The following MSH6 variants were observed in gnomAD, a reference collection of about 807,000 sequenced individuals.
MSH6 encodes DNA mismatch repair protein Msh6.
Under a neutral mutation model 119.1 loss-of-function variants are expected in MSH6, and 85 were observed. The observed-to-expected ratio is 0.71, with a 90% CI of 0.60 to 0.85. MSH6 has a LOEUF of 0.85. MSH6 is among the 40% of genes least tolerant of loss of function. The pLI, the probability that MSH6 is intolerant of heterozygous loss-of-function variation, is 0.00. For missense variants in MSH6, 2,163 were observed against 1,655.3 expected (o/e 1.31, Z -5.32); for synonymous variants, 830 against 586.9 (o/e 1.41, Z -5.99).
Position 47,783,202 on chromosome 2 carries a change from G to T in MSH6, c.-32G>T, listed in dbSNP as rs2103928799. ...TGCGGTGCTTTTAGGAGCTCCGTCCGACAGAACGGTTGGGCCTTGCCGGCT... is the reference window on the plus strand; with the variant it reads ...TGCGGTGCTTTTAGGAGCTCCGTCCTACAGAACGGTTGGGCCTTGCCGGCT... On this transcript the variant is annotated 5_prime_UTR_variant, in exon 1 of 10. Coordinates refer to ENST00000234420, the MANE Select transcript of MSH6 (RefSeq NM_000179.3). The T allele has an allele frequency of 2.5e-6, 4 of 1,609,848 alleles. No individual in the cohort carries two copies. The highest frequency in any genetic ancestry group is 1.1e-5 in the South Asian group (1 of 90,590).
chr2:47,789,426 G>T, intron 1 of MSH6: 1 of 467,708 alleles, frequency 2.1e-6, no homozygotes, highest in Admixed American at 2.5e-5. Flanking sequence ...TTCCTAGTGA[G>T]GATGCACATT....
At chr2:47,790,029 C>A (rs1447627536) in intron 1 of MSH6, among the ~76,000 whole-genome samples, 1 of 151,994 alleles carries the variant, frequency 6.6e-6, no homozygotes, top group Admixed American at 6.6e-5. Context: ...AATTTTTAAT[C>A]TAGGTTGGTT....
At position 47,803,601 on chromosome 2, in the gene MSH6, G is replaced by A. The variant is rs35642130; in HGVS notation, c.3354G>A (p.Glu1118=). Residue 1118 remains glutamate, a synonymous_variant, in exon 5 of 10, where the codon GAG becomes GAA. Transcript: ENST00000234420. ...FIPNDILIGC[E]EEEQENGKAY... ...CTAATGACATTCTAATAGGCTGTGAGGAAGAGGAGCAGGAAAATGGCAAAG... is the reference window on the plus strand; with the variant it reads ...CTAATGACATTCTAATAGGCTGTGAAGAAGAGGAGCAGGAAAATGGCAAAG... 376 of 1,614,190 alleles carry A rather than the reference G, an allele frequency of 2.3e-4. 6 individuals carry two copies. The South Asian group carries it at 3.9e-3, about 17-fold the overall frequency.
At chr2:47,806,083 A>C in intron 7 of MSH6, 121 bp from the exon 8 acceptor site, 1 of 950,084 alleles carries the variant, frequency 1.1e-6, no homozygotes, top group Non-Finnish European at 1.7e-6. Context: ...CTATTTATAG[A>C]ATGCTTTTAG....
chr2:47,807,664 T>A (rs1252432211), downstream of MSH6: 2 of 160,550 alleles, frequency 1.2e-5, no homozygotes, highest in African/African-American at 7.5e-5. Flanking sequence ...TCTGAATACA[T>A]GTTAAAAAAA....
rs779617676 is a variant in MSH6 at position 47,803,474 on chromosome 2, G to A, written c.3227G>A (p.Arg1076His). 7 of 1,613,980 alleles carry A rather than the reference G, an allele frequency of 4.3e-6. No homozygotes were observed. Among genetic ancestry groups the A allele is most frequent in the African/African-American group, 1.3e-5 (1 of 74,970 alleles). ...CGAGGGGGTGATGGTCCTATGTGTC[G>A]CCCAGTAATTCTGTTGCCGGAAGAT... ...YSRGGDGPMC[R>H]PVILLPEDTP... Residue 1076 changes from arginine to histidine, a missense_variant, in exon 5 of 10, where the codon CGC becomes CAC. Transcript: ENST00000234420.
downstream of MSH6, chr2:47,809,078 G>C (rs553954928): frequency 4.6e-6 from 4 of 862,632 alleles, no homozygotes; most frequent in African/African-American, 6.9e-5. Flanking sequence ...CCGGCAAATA[G>C]CCAAAAATGC....
chr2:47,797,609 CATAA>C (rs1430305234), intron 3 of MSH6, among the ~76,000 whole-genome samples: 6 of 152,172 alleles, frequency 3.9e-5, no homozygotes, highest in Non-Finnish European at 4.4e-5. Context: ...ACAGCTTTGT[CATAA>C]ATAGAACTCC....
chr2:47,807,307 C>CTT, downstream of MSH6: 2 of 215,676 alleles, frequency 9.3e-6, no homozygotes, highest in Non-Finnish European at 1.9e-5. Flanking sequence ...AGTTTTTTAC[C>CTT]TTTCACAAAA....
In MSH6 at chr2:47,801,100, CTT is replaced by C. The variant is rs267608042; in HGVS notation, c.3119_3120del (p.Phe1040Ter). The C allele has an allele frequency of 1.2e-6, 2 of 1,612,812 alleles. No individual in the cohort carries two copies. Among genetic ancestry groups the C allele is most frequent in the East Asian group, 2.2e-5 (1 of 44,886 alleles). On this transcript the variant is annotated frameshift_variant, in exon 4 of 10. Transcript: ENST00000234420. LOFTEE classifies it high-confidence loss of function. ...ACTGCATGCGGCGACTGTTCTATAA[CTT>C]TGATAAAAATTACAAGGACTGGCAG... is the stretch of plus-strand genomic sequence containing the variant. ...KDCMRRLFYN[F>X]DKNYKDWQSA...
At chr2:47,805,580 C>T (rs2104520297) in intron 6 of MSH6, 38 bp from the exon 7 acceptor site, 1 of 1,358,010 alleles carries the variant, frequency 7.4e-7, no homozygotes, top group Non-Finnish European at 1.1e-6. Context: ...ATATGATTTG[C>T]AAAATGAGTA....
At chr2:47,789,573 A>G (rs1253444061) in intron 1 of MSH6, 1 of 327,832 alleles carries the variant, frequency 3.1e-6, no homozygotes, top group Non-Finnish European at 6.2e-6. Context: ...TACACATGAC[A>G]AAGTTCTAAG....
chr2:47,806,412 C>G lies in MSH6; in HGVS notation c.3802-40C>G, dbSNP rs3136367. The stretch of plus-strand genomic sequence containing the variant: ...TTCGGTTTTTTGAGAGGGCACTTCT[C>G]TTGCTAGCACATGTATCGCTAATAT... On this transcript the variant is annotated intron_variant, in intron 8 of 9. Transcript: ENST00000234420. The G allele has an allele frequency of 0.74, 1,196,036 of 1,613,664 alleles. 445,806 individuals carry two copies. The highest frequency in any genetic ancestry group is 0.92 in the African/African-American group (68,699 of 75,000).
At position 47,783,489 on chromosome 2, in the gene MSH6, A is replaced by C. The variant is rs1553408451; in HGVS notation, c.256A>C (p.Thr86Pro). The C allele has an allele frequency of 1.4e-6, 2 of 1,423,614 alleles. No homozygotes were observed. Among genetic ancestry groups the C allele is most frequent in the Non-Finnish European group, 1.8e-6 (2 of 1,088,416 alleles). The allele number at this position is 1,423,614 out of a possible 1,614,324, so 88.2% of individuals were successfully genotyped here. A position where few individuals can be genotyped will look rare whatever the true frequency, so the allele number is the denominator to read the frequency against. Residue 86 changes from threonine (T) to proline (P), a missense_variant, in exon 1 of 10, where the codon ACC becomes CCC. Transcript: ENST00000234420. Reference protein sequence around the residue: ...LRRSVAPAAPTSCDFSPGDLV... With the variant: ...LRRSVAPAAPPSCDFSPGDLV... ...GAGATCGGTAGCGCCTGCTGCCCCC[A>C]CCAGGTAGCGGGGTGGGGGTGGGGT...
chr2:47,806,542 T>C lies in MSH6; in HGVS notation c.3892T>C (p.Tyr1298His), dbSNP rs1572747027. 6.2e-7 allele frequency: 1 copy of C among 1,613,910 alleles called. No homozygotes were observed. The highest frequency in any genetic ancestry group is 8.5e-7 in the Non-Finnish European group (1 of 1,179,886). Residue 1298 changes from tyrosine to histidine, a missense_variant, in exon 9 of 10, where the codon TAT becomes CAT. Coordinates refer to ENST00000234420, the MANE Select transcript of MSH6 (RefSeq NM_000179.3). ...CATTAAGGGAGCTTGTCCTAAAAGC[T>C]ATGGCTTTAATGCAGCAAGGCTTGC... ...KFIKGACPKS[Y>H]GFNAARLANL... is the part of the protein sequence containing the mutation.
chr2:47,806,073 C>T, intron 7 of MSH6, 131 bp from the exon 8 acceptor site: 4 of 885,432 alleles, frequency 4.5e-6, no homozygotes, highest in Non-Finnish European at 7.4e-6. Context: ...TAAACAAGGC[C>T]TATTTATAGA....
downstream of MSH6, chr2:47,809,538 G>T: frequency 8.2e-7 from 1 of 1,213,124 alleles, no homozygotes; most frequent in African/African-American, 1.5e-5. Flanking sequence ...TTATAAAACG[G>T]CTTCTGATTA....
At chr2:47,797,277 G>A (rs1036797645) in intron 3 of MSH6, among the ~76,000 whole-genome samples, 2 of 152,206 alleles carry the variant, frequency 1.3e-5, no homozygotes, top group South Asian at 4.1e-4. Flanking sequence ...ACTAAGCTCA[G>A]TTTCATGTTT....
chr2:47,799,051 T>C lies in MSH6; in HGVS notation c.1068T>C (p.Gly356=), dbSNP rs749752524. ...CCCAAGCCCACGTTAGTGGAGGTGGTGATGACAGTAGTCGCCCTACTGTTT... is the reference window on the plus strand; with the variant it reads ...CCCAAGCCCACGTTAGTGGAGGTGGCGATGACAGTAGTCGCCCTACTGTTT... ...SESQAHVSGG[G]DDSSRPTVWY... Residue 356 remains glycine, a synonymous_variant, in exon 4 of 10, where the codon GGT becomes GGC. Coordinates refer to ENST00000234420, the MANE Select transcript of MSH6 (RefSeq NM_000179.3). 1.8e-5 allele frequency: 29 copies of C among 1,614,006 alleles called. No homozygotes were observed. The highest frequency in any genetic ancestry group is 5.0e-5 in the Admixed American group (3 of 59,988).
Sources: gnomAD v4.1 joint callset for allele counts (sites outside exome capture counted in the v4.1 genomes callset) on GRCh38, gnomAD v4.1.1 for gene constraint, MANE v1.5 for transcripts, NCBI Gene and HGNC (gene_info 2026-07-23, HGNC 2026-07-21) for gene names.